AOAH: variants seen among roughly 807,000 people sequenced by gnomAD.
AOAH encodes acyloxyacyl hydrolase (neutrophil).
In AOAH, 64 loss-of-function variants were observed where a neutral mutation model predicts 92.2. That is an observed-to-expected ratio of 0.69 (90% CI 0.57 to 0.86). The LOEUF is 0.86. AOAH is among the 40% of genes least tolerant of loss of function. AOAH has a pLI of 0.00. For synonymous variants in AOAH, 263 were observed against 254.5 expected (o/e 1.03, Z -0.32); for missense variants, 656 against 694.6 (o/e 0.94, Z 0.62).
intron 19 of AOAH, among the ~76,000 whole-genome samples, chr7:36,525,631 A>G (rs773796745): frequency 6.6e-6 from 1 of 152,194 alleles, no homozygotes; most frequent in African/African-American, 2.4e-5. Context: ...AAATGCTCTA[A>G]AATTCAAAAC....
At chr7:36,616,062 G>A (rs2718186) in intron 11 of AOAH, among the ~76,000 whole-genome samples, 15,573 of 152,116 alleles carry the variant, frequency 0.1, 1,061 homozygotes, top group East Asian at 0.22. Context: ...GACAGGCCCC[G>A]GAGTGCCTCA....
chr7:36,722,081 T>C (rs1799662083), intron 1 of AOAH, among the ~76,000 whole-genome samples: 1 of 152,086 alleles, frequency 6.6e-6, no homozygotes, highest in Admixed American at 6.6e-5. Flanking sequence ...TTTTTGTCAG[T>C]CCCAGATCCA....
At position 36,594,218 on chromosome 7, in the gene AOAH, T is replaced by C. The variant is rs1038863179; in HGVS notation, c.938+121A>G. ...CTACTGTATGGTGGATGAACTCAAATTCATGTTCTAGAAGCAGTTCCTAAT... is the reference window on the plus strand; with the variant it reads ...CTACTGTATGGTGGATGAACTCAAACTCATGTTCTAGAAGCAGTTCCTAAT... On this transcript the variant is annotated intron_variant, in intron 12 of 20. Coordinates refer to ENST00000617537, the MANE Select transcript of AOAH (RefSeq NM_001637.4). 11 of 782,596 alleles carry C rather than the reference T, an allele frequency of 1.4e-5. No homozygotes were observed. In the East Asian group the frequency reaches 1.7e-4, roughly 12 times the overall value. 48.5% of individuals were successfully genotyped at this position (782,596 alleles called of 1,614,324 possible). A position where few individuals can be genotyped will look rare whatever the true frequency, so the allele number is the denominator to read the frequency against.
At position 36,516,291 on chromosome 7, in the gene AOAH, C is replaced by T. The variant is rs1160331216; in HGVS notation, c.1600-2911G>A. On this transcript the variant is annotated intron_variant, in intron 20 of 20. Transcript: ENST00000617537. This position sits in a 1 kb window ranked among gnomAD's most constrained non-coding sequence, Gnocchi z 5.0. ...ACCACATACACATATAACATACACA[C>T]ACCCCCCCACACAGATACCACACAC... Among the ~76,000 whole-genome samples the T allele has an allele frequency of 6.7e-6, 1 of 149,096 alleles. No homozygotes were observed. The highest frequency in any genetic ancestry group is 1.5e-5 in the Non-Finnish European group (1 of 66,954).
rs946860187 is a variant in AOAH at position 36,611,152 on chromosome 7, T to C, written c.846+5228A>G. Among the ~76,000 whole-genome samples the C allele has an allele frequency of 5.9e-5, 9 of 152,308 alleles. 1 individual carries two copies. In the East Asian group the frequency reaches 1.7e-3, roughly 29 times the overall value. On this transcript the variant is annotated intron_variant, in intron 11 of 20. Coordinates refer to ENST00000617537, the MANE Select transcript of AOAH (RefSeq NM_001637.4). Reference sequence around the variant, plus strand: ...ACCAAGTGGCCAGGCTGAGAGTGGCTGGGCCAATTTTTAGCTTGGAGAGGA... The same window carrying C: ...ACCAAGTGGCCAGGCTGAGAGTGGCCGGGCCAATTTTTAGCTTGGAGAGGA...
intron 6 of AOAH, among the ~76,000 whole-genome samples, chr7:36,626,082 A>G (rs894240329): frequency 6.6e-6 from 1 of 152,226 alleles, no homozygotes; most frequent in African/African-American, 2.4e-5. Flanking sequence ...TTCCCCATGT[A>G]TGTATTTGGC....
intron 13 of AOAH, among the ~76,000 whole-genome samples, chr7:36,560,473 G>C (rs1171996881): frequency 6.6e-6 from 1 of 152,028 alleles, no homozygotes; most frequent in Admixed American, 6.6e-5. Flanking sequence ...TGTATTCCTA[G>C]GTATTTTATT....
At chr7:36,718,975 T>C (rs1035553722) in intron 1 of AOAH, among the ~76,000 whole-genome samples, 1 of 152,156 alleles carries the variant, frequency 6.6e-6, no homozygotes, top group African/African-American at 2.4e-5. Flanking sequence ...TAAAACAATA[T>C]GGGAAAAATA....
At chr7:36,562,399 C>T (rs532848230) in intron 13 of AOAH, among the ~76,000 whole-genome samples, 4 of 152,312 alleles carry the variant, frequency 2.6e-5, no homozygotes, top group Non-Finnish European at 5.9e-5. Flanking sequence ...AGAACTGGCA[C>T]TTTACCCTTA....
intron 15 of AOAH, among the ~76,000 whole-genome samples, chr7:36,541,921 GCCTGTCTTTACCCTAAATGGAATA>G (rs1376785225): frequency 6.6e-6 from 1 of 152,114 alleles, no homozygotes; most frequent in Non-Finnish European, 1.5e-5. Context: ...CACTCTAACT[GCCTGTCTTTACCCTAAATGGAATA>G]ATGCTACAGT....
At chr7:36,677,035 A>T (rs1054119480) in intron 2 of AOAH, among the ~76,000 whole-genome samples, 6 of 152,102 alleles carry the variant, frequency 3.9e-5, no homozygotes, top group African/African-American at 1.4e-4. Context: ...GTTTTCTTAG[A>T]TATGACACCA....
chr7:36,518,359 C>T (rs897210810), intron 20 of AOAH, among the ~76,000 whole-genome samples: 2 of 152,160 alleles, frequency 1.3e-5, no homozygotes, highest in African/African-American at 4.8e-5. Context: ...AGGCATGCAC[C>T]ACCACGCCTG....
intron 20 of AOAH, chr7:36,514,511 C>T: frequency 1.3e-6 from 2 of 1,535,994 alleles, no homozygotes; most frequent in Non-Finnish European, 1.7e-6. Flanking sequence ...TCCCTTTATC[C>T]ATGATGTTAG....
intron 1 of AOAH, among the ~76,000 whole-genome samples, chr7:36,723,619 T>C (rs1354069168): frequency 6.6e-6 from 1 of 152,112 alleles, no homozygotes; most frequent in Non-Finnish European, 1.5e-5. Context: ...GCTCCAGGTT[T>C]CCACAGCCAG....
intron 4 of AOAH, among the ~76,000 whole-genome samples, chr7:36,657,256 A>G (rs557179789): frequency 1.3e-5 from 2 of 152,330 alleles, no homozygotes; most frequent in South Asian, 2.1e-4. Flanking sequence ...CCAATCTCTG[A>G]GTAGAACAAC....
chr7:36,552,036 T>G (rs949381528), intron 13 of AOAH, among the ~76,000 whole-genome samples: 1 of 152,096 alleles, frequency 6.6e-6, no homozygotes, highest in African/African-American at 2.4e-5. Flanking sequence ...GCAGACCCAA[T>G]AGGTAATTTT....
chr7:36,543,593 G>T (rs1016588968), intron 15 of AOAH, among the ~76,000 whole-genome samples: 2 of 151,128 alleles, frequency 1.3e-5, no homozygotes, highest in African/African-American at 2.4e-5. Context: ...TTTTTTTTTC[G>T]GTTAGAGGCA....
intron 1 of AOAH, among the ~76,000 whole-genome samples, chr7:36,687,691 G>A (rs998327250): frequency 3.3e-5 from 5 of 152,166 alleles, no homozygotes; most frequent in African/African-American, 1.2e-4. Context: ...AGGGGGCAAA[G>A]GAAGGTTTAT....
At chr7:36,706,085 G>A (rs1798388953) in intron 1 of AOAH, among the ~76,000 whole-genome samples, 1 of 152,056 alleles carries the variant, frequency 6.6e-6, no homozygotes, top group African/African-American at 2.4e-5. Flanking sequence ...CAAGACATAG[G>A]CATGTGCAAA....
Sources: gnomAD v4.1 joint callset for allele counts (sites outside exome capture counted in the v4.1 genomes callset) on GRCh38, gnomAD v4.1.1 for gene constraint, Gnocchi (gnomAD v3.1) non-coding constraint, MANE v1.5 for transcripts, NCBI Gene and HGNC (gene_info 2026-07-23, HGNC 2026-07-21) for gene names.